Variants in ENTPD5 observed in about 807,000 individuals in gnomAD.
ENTPD5 encodes the protein nucleoside diphosphate phosphatase ENTPD5.
Under a neutral mutation model 60.2 loss-of-function variants are expected in ENTPD5, and 49 were observed. The observed-to-expected ratio is 0.81, with a 90% CI of 0.65 to 1.03. The LOEUF is 1.03. ENTPD5 is among the 50% of genes least tolerant of loss of function. ENTPD5 has a pLI of 0.00. For missense variants in ENTPD5, 480 were observed against 507.6 expected, an observed-to-expected ratio of 0.95 and a Z score of 0.52; for synonymous variants, 187 against 185.4, an observed-to-expected ratio of 1.01 and a Z score of -0.07.
chr14:74,012,462 T>C (rs1408629982), intron 2 of ENTPD5, among the ~76,000 whole-genome samples: 1 of 152,224 alleles, frequency 6.6e-6, no homozygotes, highest in African/African-American at 2.4e-5. Context: ...CTGGCATATA[T>C]GTTTAATTAA....
At position 73,971,834 on chromosome 14, in the gene ENTPD5, G is replaced by T; in HGVS notation, c.1084+18C>A. The T allele has an allele frequency of 6.3e-7, 1 of 1,587,724 alleles. No individual in the cohort carries two copies. Among genetic ancestry groups the T allele is most frequent in the South Asian group, 1.1e-5 (1 of 90,514 alleles). On this transcript the variant is annotated intron_variant, in intron 14 of 15. Coordinates refer to ENST00000334696, the MANE Select transcript of ENTPD5 (RefSeq NM_001249.5). ...CAGTCTCACAGGCTTACCTTCAAGG[G>T]CTTCCCCTGACACTTACCTTCCCTG...
chr14:73,995,196 G>A (rs1197931662), intron 3 of ENTPD5, among the ~76,000 whole-genome samples: 1 of 151,742 alleles, frequency 6.6e-6, no homozygotes. Flanking sequence ...TTACAAGCAT[G>A]TGCCGCCGCG....
At chr14:74,016,105 A>G (rs1284524299) in intron 1 of ENTPD5, among the ~76,000 whole-genome samples, 175 bp from the exon 2 acceptor site, 2 of 152,242 alleles carry the variant, frequency 1.3e-5, no homozygotes, top group Non-Finnish European at 2.9e-5. Context: ...GCTACCAGAT[A>G]AACTACTAAA....
At position 73,963,391 on chromosome 14, in the gene ENTPD5, GATGCATTTTTGTTAGAATTGCTGTTTAA is replaced by G; in HGVS notation, c.*3509_*3536del. On this transcript the variant is annotated 3_prime_UTR_variant, in exon 16 of 16. Coordinates refer to ENST00000334696, the MANE Select transcript of ENTPD5 (RefSeq NM_001249.5). Reference sequence around the variant, plus strand: ...TTTGATAGAGGTAAGAATTAGACTCGATGCATTTTTGTTAGAATTGCTGTTTAAATGTTAACATCAGAATGCAAATTAA... The same window carrying G: ...TTTGATAGAGGTAAGAATTAGACTCGATGTTAACATCAGAATGCAAATTAA... The G allele has an allele frequency of 3.3e-6, 1 of 304,448 alleles. No individual in the cohort carries two copies. Among genetic ancestry groups the G allele is most frequent in the Non-Finnish European group, 6.0e-6 (1 of 166,320 alleles). The allele number at this position is 304,448 out of a possible 1,614,324, so 18.9% of individuals were successfully genotyped here. A position where few individuals can be genotyped will look rare whatever the true frequency, so the allele number is the denominator to read the frequency against.
chr14:73,961,228 A>G (rs777115306), downstream of ENTPD5: 14 of 1,614,138 alleles, frequency 8.7e-6, no homozygotes, highest in South Asian at 9.9e-5. Context: ...ATGCTGCAGT[A>G]TGCTGTCAGC....
chr14:73,998,939 A>G (rs1178809657), intron 3 of ENTPD5, among the ~76,000 whole-genome samples: 1 of 152,144 alleles, frequency 6.6e-6, no homozygotes, highest in Non-Finnish European at 1.5e-5. Context: ...TCTGCAGGTG[A>G]TAGGAAGCCA....
At chr14:74,009,009 C>T (rs1207376057) in intron 3 of ENTPD5, 1 of 152,118 alleles carries the variant, frequency 6.6e-6, no homozygotes, top group Non-Finnish European at 1.5e-5. Context: ...TCAAAAAGGC[C>T]CATTCTGTAC....
At chr14:73,977,262 CCT>C in intron 7 of ENTPD5, 35 bp downstream of exon 7, 1 of 1,521,550 alleles carries the variant, frequency 6.6e-7, no homozygotes, top group East Asian at 2.3e-5. Context: ...TGATCCTGCC[CCT>C]CTCCCCCTGG....
intron 3 of ENTPD5, among the ~76,000 whole-genome samples, chr14:74,003,073 T>C (rs2058560716): frequency 6.6e-6 from 1 of 152,196 alleles, no homozygotes. Context: ...ATCACTTTCT[T>C]ATTGAGATCT....
At chr14:73,978,965 C>G (rs2057558127) in intron 6 of ENTPD5, among the ~76,000 whole-genome samples, 1 of 151,986 alleles carries the variant, frequency 6.6e-6, no homozygotes, top group African/African-American at 2.4e-5. Context: ...ATTTGAGATC[C>G]TACATGATAA....
At chr14:74,011,549 C>T (rs1188004542) in intron 2 of ENTPD5, among the ~76,000 whole-genome samples, 1 of 152,106 alleles carries the variant, frequency 6.6e-6, no homozygotes, top group African/African-American at 2.4e-5. Context: ...ATAATCCTAG[C>T]ATTTTGGGAA....
chr14:74,007,315 A>G (rs2140837923), intron 3 of ENTPD5, among the ~76,000 whole-genome samples: 1 of 152,268 alleles, frequency 6.6e-6, no homozygotes, highest in Non-Finnish European at 1.5e-5. Context: ...AGGTCAGGAA[A>G]TCAAGACCAT....
At chr14:74,005,571 GC>G in intron 3 of ENTPD5, among the ~76,000 whole-genome samples, 3 of 152,122 alleles carry the variant, frequency 2.0e-5, no homozygotes, top group Non-Finnish European at 4.4e-5. Context: ...ACTTCGGGAG[GC>G]TGAGGGGAGT....
intron 14 of ENTPD5, among the ~76,000 whole-genome samples, 197 bp downstream of exon 14, chr14:73,971,655 G>A (rs1311719237): frequency 1.3e-5 from 2 of 152,210 alleles, no homozygotes; most frequent in African/African-American, 4.8e-5. Context: ...TGAGTAGCTG[G>A]GACTACAGAT....
At position 73,964,852 on chromosome 14, in the gene ENTPD5, T is replaced by A. The variant is rs1374376673; in HGVS notation, c.*2076A>T. 2 of 147,594 alleles carry A rather than the reference T, an allele frequency of 1.4e-5. No homozygotes were observed. Among genetic ancestry groups the A allele is most frequent in the Non-Finnish European group, 3.1e-5 (2 of 65,372 alleles). The allele number at this position is 147,594 out of a possible 1,614,324, so 9.1% of individuals were successfully genotyped here. A position where few individuals can be genotyped will look rare whatever the true frequency, so the allele number is the denominator to read the frequency against. On this transcript the variant is annotated 3_prime_UTR_variant, in exon 16 of 16. Coordinates refer to ENST00000334696, the MANE Select transcript of ENTPD5 (RefSeq NM_001249.5). ...AGAAGATAGGTAGATTTCAGCTCAATATAAGGAATTTTTTTTAATATCAGT... is the reference window on the plus strand; with the variant it reads ...AGAAGATAGGTAGATTTCAGCTCAAAATAAGGAATTTTTTTTAATATCAGT...
At chr14:74,007,783 T>C (rs1237605431) in intron 3 of ENTPD5, 1 of 150,448 alleles carries the variant, frequency 6.6e-6, no homozygotes, top group Non-Finnish European at 1.5e-5. Flanking sequence ...ATTGCACCAC[T>C]GTACTCCAGC....
downstream of ENTPD5, chr14:73,958,207 C>G (rs1345151223): frequency 2.5e-6 from 4 of 1,614,010 alleles, no homozygotes; most frequent in African/African-American, 5.3e-5. Context: ...TGTCCATTTC[C>G]TATGGCCGAC....
intron 3 of ENTPD5, among the ~76,000 whole-genome samples, chr14:74,000,281 A>C (rs1256148801): frequency 6.6e-6 from 1 of 151,132 alleles, no homozygotes; most frequent in Non-Finnish European, 1.5e-5. Context: ...ACATGATGAA[A>C]CCTCATCTCC....
chr14:73,979,472 CTT>C (rs535777164), intron 6 of ENTPD5, among the ~76,000 whole-genome samples: 6 of 137,622 alleles, frequency 4.4e-5, no homozygotes, highest in Admixed American at 1.5e-4. Context: ...ATAGTAAGCA[CTT>C]TTTTTTTTTT....
Sources: allele counts gnomAD v4.1 joint callset (sites outside exome capture counted in the v4.1 genomes callset), GRCh38; gene constraint gnomAD v4.1.1; transcripts MANE v1.5; gene names NCBI Gene and HGNC (gene_info 2026-07-23, HGNC 2026-07-21).